The following THSD4 variants were observed in gnomAD, a reference collection of about 807,000 sequenced individuals.
THSD4 encodes the protein thrombospondin type 1 domain containing 4.
Under a neutral mutation model 119.0 loss-of-function variants are expected in THSD4, and 69 were observed. That is an observed-to-expected ratio of 0.58 (90% confidence interval 0.48 to 0.71). The LOEUF is 0.71. THSD4 is among the 30% of genes least tolerant of loss of function. The probability of loss-of-function intolerance (pLI) is 0.00; values close to 1 mark genes in which losing one functional copy is unlikely to be tolerated. For missense variants in THSD4, 1,393 were observed against 1,391.1 expected, an observed-to-expected ratio of 1.00 and a Z score of -0.02; for synonymous variants, 524 against 540.4, an observed-to-expected ratio of 0.97 and a Z score of 0.42.
At chr15:71,586,904 G>C (rs2049682004) in intron 7 of THSD4, among the ~76,000 whole-genome samples, 1 of 152,208 alleles carries the variant, frequency 6.6e-6, no homozygotes, top group Admixed American at 6.5e-5. Flanking sequence ...CCTAGTCAGT[G>C]CTAGGCCCTA....
intron 1 of THSD4, among the ~76,000 whole-genome samples, chr15:71,131,614 A>G (rs1029737921): frequency 6.6e-6 from 1 of 152,250 alleles, no homozygotes; most frequent in Admixed American, 6.5e-5. Flanking sequence ...TCACAGGAGT[A>G]CATGTTAAAA....
chr15:71,595,002 G>T (rs1010745837), intron 7 of THSD4, among the ~76,000 whole-genome samples: 1 of 152,214 alleles, frequency 6.6e-6, no homozygotes, highest in Non-Finnish European at 1.5e-5. Flanking sequence ...GTCAATCCCA[G>T]TGGTGGGAAC....
intron 3 of THSD4, among the ~76,000 whole-genome samples, chr15:71,172,677 C>CTA (rs2043382770): frequency 9.0e-5 from 2 of 22,150 alleles, no homozygotes; most frequent in African/African-American, 2.4e-4. Flanking sequence ...GAAAATAGAC[C>CTA]TATACATATA....
At chr15:71,114,222 A>ATT (rs796831935), upstream of THSD4, among the ~76,000 whole-genome samples, 20 of 145,314 alleles carry the variant, frequency 1.4e-4, no homozygotes, top group African/African-American at 4.3e-4. Flanking sequence ...CCTTTTGTTA[A>ATT]TTTTTTTTTT....
intron 7 of THSD4, among the ~76,000 whole-genome samples, chr15:71,489,468 A>G (rs777143137): frequency 1.3e-5 from 2 of 152,158 alleles, no homozygotes; most frequent in African/African-American, 4.8e-5. Flanking sequence ...GCTGCTGCCC[A>G]GCTCACCATC....
intron 2 of THSD4, among the ~76,000 whole-genome samples, chr15:71,146,957 A>C (rs1052984540): frequency 6.6e-6 from 1 of 152,194 alleles, no homozygotes; most frequent in African/African-American, 2.4e-5. Flanking sequence ...CAATGGAGTC[A>C]AGGTGTGATC....
intron 7 of THSD4, among the ~76,000 whole-genome samples, chr15:71,491,961 C>T (rs1352936774): frequency 6.6e-6 from 1 of 152,226 alleles, no homozygotes; most frequent in Non-Finnish European, 1.5e-5. Flanking sequence ...TGGACTAAGA[C>T]AGTATCTTAT....
At chr15:71,330,976 G>A (rs915496217) in intron 6 of THSD4, among the ~76,000 whole-genome samples, 2 of 152,210 alleles carry the variant, frequency 1.3e-5, no homozygotes, top group African/African-American at 4.8e-5. Context: ...GAGGAAGGAG[G>A]GAGGCTGTGC....
intron 6 of THSD4, among the ~76,000 whole-genome samples, chr15:71,365,471 C>T (rs2045949653): frequency 6.6e-6 from 1 of 152,106 alleles, no homozygotes; most frequent in Non-Finnish European, 1.5e-5. Context: ...GAGATGCTCT[C>T]ATGTATTTCC....
chr15:71,646,893 A>G (rs979496157), intron 7 of THSD4, among the ~76,000 whole-genome samples: 1 of 152,222 alleles, frequency 6.6e-6, no homozygotes, highest in African/African-American at 2.4e-5. Flanking sequence ...CATAATGCCT[A>G]GGAGGAAGTA....
intron 6 of THSD4, among the ~76,000 whole-genome samples, chr15:71,304,628 C>T (rs1361942781): frequency 6.6e-6 from 1 of 152,074 alleles, no homozygotes. Flanking sequence ...TACCTAAGAA[C>T]TTTGAAATTA....
chr15:71,107,899 G>A (rs2040280720), intron 1 of THSD4, among the ~76,000 whole-genome samples: 1 of 152,190 alleles, frequency 6.6e-6, no homozygotes, highest in Non-Finnish European at 1.5e-5. Context: ...TTAAGCCACT[G>A]CTCAAGGTCA....
chr15:71,278,848 G>A (rs951850504), intron 6 of THSD4, among the ~76,000 whole-genome samples: 1 of 152,152 alleles, frequency 6.6e-6, no homozygotes. Flanking sequence ...ATTTCATATG[G>A]TTATTGGATT....
intron 6 of THSD4, among the ~76,000 whole-genome samples, chr15:71,331,039 C>T (rs1320741175): frequency 6.6e-6 from 1 of 152,174 alleles, no homozygotes; most frequent in Non-Finnish European, 1.5e-5. Flanking sequence ...GCGTTGAGCT[C>T]ATTTCTCCTG....
intron 7 of THSD4, among the ~76,000 whole-genome samples, chr15:71,563,588 A>G (rs529098594): frequency 1.1e-4 from 16 of 150,482 alleles, no homozygotes; most frequent in African/African-American, 3.9e-4. Flanking sequence ...ACCTTTTATT[A>G]TTGATAAAGA....
intron 3 of THSD4, among the ~76,000 whole-genome samples, chr15:71,195,207 C>G (rs900536230): frequency 1.3e-5 from 2 of 152,198 alleles, no homozygotes; most frequent in African/African-American, 4.8e-5. Flanking sequence ...GATGTATATG[C>G]ATCCCTATAT....
intron 6 of THSD4, among the ~76,000 whole-genome samples, chr15:71,321,218 G>C (rs1479520629): frequency 6.6e-6 from 1 of 152,162 alleles, no homozygotes; most frequent in African/African-American, 2.4e-5. Context: ...ATCTTCTGCA[G>C]CTTCATGTAC....
intron 7 of THSD4, among the ~76,000 whole-genome samples, chr15:71,479,650 G>A (rs1595808236): frequency 6.6e-6 from 1 of 152,244 alleles, no homozygotes; most frequent in African/African-American, 2.4e-5. Flanking sequence ...TGGGGATTTG[G>A]TTTAAATTTT....
At chr15:71,635,113 A>G (rs893641400) in intron 7 of THSD4, among the ~76,000 whole-genome samples, 7 of 152,228 alleles carry the variant, frequency 4.6e-5, no homozygotes, top group African/African-American at 1.4e-4. Flanking sequence ...TGCACTGCCC[A>G]TTAATTAAGG....
Sources: allele counts gnomAD v4.1 joint callset (sites outside exome capture counted in the v4.1 genomes callset), GRCh38; gene constraint gnomAD v4.1.1; transcripts MANE v1.5; gene names NCBI Gene and HGNC (gene_info 2026-07-23, HGNC 2026-07-21).